Variants in EMCN observed in about 807,000 individuals in gnomAD.
The protein encoded by EMCN is MUC-14.
A neutral mutation model predicts 38.4 loss-of-function variants in EMCN; 37 were observed. That is an observed-to-expected ratio of 0.96 (90% CI 0.74 to 1.27). The LOEUF (loss-of-function observed/expected upper bound fraction) is 1.27, where lower values mean the gene tolerates loss of function less well. Ranked by LOEUF, EMCN falls within the 50% of genes most tolerant of loss-of-function variation. The pLI is 0.00. For synonymous variants in EMCN, 95 were observed against 100.8 expected (o/e 0.94, Z 0.35); for missense variants, 318 against 302.8 (o/e 1.05, Z -0.37).
intron 10 of EMCN, among the ~76,000 whole-genome samples, chr4:100,410,887 T>A (rs976143121): frequency 2.0e-5 from 3 of 152,100 alleles, no homozygotes; most frequent in Non-Finnish European, 2.9e-5. Flanking sequence ...CCATCCAATA[T>A]ACAGAGAAAT....
At chr4:100,455,446 C>T (rs757376601) in intron 4 of EMCN, among the ~76,000 whole-genome samples, 17 of 150,512 alleles carry the variant, frequency 1.1e-4, no homozygotes, top group Non-Finnish European at 2.2e-4. Context: ...AATGTCTTTA[C>T]TGATATGAAT....
chr4:100,472,665 G>A (rs1221507840), intron 3 of EMCN, among the ~76,000 whole-genome samples: 1 of 152,026 alleles, frequency 6.6e-6, no homozygotes, highest in Non-Finnish European at 1.5e-5. Context: ...AAGTTGAATA[G>A]CCAAAACAAT....
intron 3 of EMCN, among the ~76,000 whole-genome samples, chr4:100,473,024 T>G (rs868429932): frequency 6.8e-6 from 1 of 146,154 alleles, no homozygotes; most frequent in African/African-American, 2.5e-5. Flanking sequence ...TATATATATT[T>G]TTTTTTTTTG....
At chr4:100,467,346 G>A (rs1040770428) in intron 3 of EMCN, among the ~76,000 whole-genome samples, 8 of 152,168 alleles carry the variant, frequency 5.3e-5, no homozygotes, top group African/African-American at 4.8e-5. Context: ...CTAGTCTCAG[G>A]AGAGAAGAAT....
intron 4 of EMCN, among the ~76,000 whole-genome samples, chr4:100,455,789 G>GT (rs967360659): frequency 1.3e-4 from 19 of 151,324 alleles, no homozygotes; most frequent in Non-Finnish European, 1.2e-4. Flanking sequence ...CCTTTTGTTC[G>GT]TTTTTTCTTT....
intron 1 of EMCN, among the ~76,000 whole-genome samples, chr4:100,501,885 C>G (rs537074996): frequency 2.7e-5 from 4 of 150,566 alleles, no homozygotes; most frequent in Admixed American, 1.3e-4. Context: ...CTCATAAATA[C>G]TGTACTTAAA....
At chr4:100,517,753 C>CT (rs1729796616) in intron 1 of EMCN, 98 bp downstream of exon 1, 1 of 1,089,078 alleles carries the variant, frequency 9.2e-7, no homozygotes, top group Admixed American at 1.7e-5. Context: ...ATTGCTGCAT[C>CT]TAAGTGTCAG....
At chr4:100,474,930 C>A (rs1354515562) in intron 3 of EMCN, 108 bp downstream of exon 3, 4 of 459,868 alleles carry the variant, frequency 8.7e-6, no homozygotes, top group African/African-American at 2.0e-5. Context: ...GCTGTAAAAT[C>A]TTGTTAAAAT....
rs1285823666 is a variant in EMCN, at chr4:100,395,840, C to G, written c.*2573G>C. 1 of 152,156 alleles carries G rather than the reference C, an allele frequency of 6.6e-6. No homozygotes were observed. The highest frequency in any genetic ancestry group is 6.5e-5 in the Admixed American group (1 of 15,270). 9.4% of individuals were successfully genotyped at this position (152,156 alleles called of 1,614,324 possible). ...GAGCCTGTATGTCAGCCAACAACAT[C>G]CACTTAGTCTCAGGTGACAACAGTG... On this transcript the variant is annotated 3_prime_UTR_variant, in exon 12 of 12. Coordinates refer to ENST00000296420, the MANE Select transcript of EMCN (RefSeq NM_016242.4).
intron 11 of EMCN, among the ~76,000 whole-genome samples, chr4:100,400,092 C>T (rs1029660752): frequency 7.9e-5 from 12 of 152,094 alleles, no homozygotes; most frequent in African/African-American, 1.2e-4. Context: ...CTACTTGAGC[C>T]TTGTTTCCCA....
intron 1 of EMCN, among the ~76,000 whole-genome samples, chr4:100,502,669 T>G (rs1298439669): frequency 6.6e-6 from 1 of 152,220 alleles, no homozygotes. Context: ...TTATTGTTAT[T>G]CTCACAAAAT....
At chr4:100,449,392 G>A (rs1727776275) in intron 4 of EMCN, among the ~76,000 whole-genome samples, 2 of 152,032 alleles carry the variant, frequency 1.3e-5, no homozygotes, top group African/African-American at 4.8e-5. Flanking sequence ...TATAGGCCAG[G>A]TCTGTTAGCT....
intron 2 of EMCN, among the ~76,000 whole-genome samples, chr4:100,476,949 T>C (rs116179473): frequency 0.01 from 1,523 of 152,278 alleles, 9 homozygotes; most frequent in Non-Finnish European, 0.017. Context: ...TGACTAATCA[T>C]ACAAGAAATT....
At chr4:100,447,651 G>A (rs568956374) in intron 4 of EMCN, 80 bp from the exon 5 acceptor site, 1 of 828,858 alleles carries the variant, frequency 1.2e-6, no homozygotes, top group Admixed American at 2.3e-5. Flanking sequence ...GTTTCAGGTG[G>A]TAAATGAGTA....
In EMCN at chr4:100,475,659, C is replaced by CTGTTTTTTTTTTTTTTTTTTTT. The variant is rs1560631485; in HGVS notation, c.188-551_188-550insAAAAAAAAAAAAAAAAAAAACA. ...TTGAGGGCAGTATCCAATTCTAGTC[C>CTGTTTTTTTTTTTTTTTTTTTT]TTTTTTTTTTTTTTTTTTTTTTTTT... On this transcript the variant is annotated intron_variant, in intron 2 of 11. Coordinates refer to ENST00000296420, the MANE Select transcript of EMCN (RefSeq NM_016242.4). 8.3e-5 allele frequency among the ~76,000 whole-genome samples: 5 copies of CTGTTTTTTTTTTTTTTTTTTTT among 60,314 alleles called. 2 individuals carry two copies. The allele number at this position is 60,314 out of a possible 152,430, so 39.6% of individuals were successfully genotyped here.
At chr4:100,414,348 CTTTTTTTTTTTTTTTTT>C (rs5860622) in intron 10 of EMCN, among the ~76,000 whole-genome samples, 1 of 59,810 alleles carries the variant, frequency 1.7e-5, no homozygotes, top group African/African-American at 6.8e-5. Flanking sequence ...TGCTTGAGCA[CTTTTTTTTTTTTTTTTT>C]TTTTTTTTTT....
chr4:100,417,568 GA>G (rs1726770003), intron 8 of EMCN, among the ~76,000 whole-genome samples: 1 of 152,126 alleles, frequency 6.6e-6, no homozygotes, highest in African/African-American at 2.4e-5. Flanking sequence ...TTTTGGGACA[GA>G]AATCACTGTG....
At chr4:100,462,776 C>T (rs1222596494) in intron 4 of EMCN, among the ~76,000 whole-genome samples, 2 of 152,026 alleles carry the variant, frequency 1.3e-5, no homozygotes, top group Non-Finnish European at 2.9e-5. Flanking sequence ...GGGTGACTGT[C>T]CCATTAAAAA....
chr4:100,400,756 G>T (rs1051782565), intron 11 of EMCN, among the ~76,000 whole-genome samples: 15 of 152,120 alleles, frequency 9.9e-5, no homozygotes, highest in Non-Finnish European at 1.9e-4. Context: ...TTTTCTCAAA[G>T]ATCAGCAACC....
Sources: allele counts gnomAD v4.1 joint callset (sites outside exome capture counted in the v4.1 genomes callset), GRCh38; gene constraint gnomAD v4.1.1; transcripts MANE v1.5; gene names NCBI Gene and HGNC (gene_info 2026-07-23, HGNC 2026-07-21).